The following LARGE1 variants were observed in gnomAD, a reference collection of about 807,000 sequenced individuals.
The protein encoded by LARGE1 is LARGE xylosyl- and glucuronyltransferase 1.
LARGE1 carries 43 observed loss-of-function variants against 87.6 expected under a neutral mutation model. That is an observed-to-expected ratio of 0.49 (90% CI 0.38 to 0.63). The LOEUF (loss-of-function observed/expected upper bound fraction) is 0.63. LARGE1 is among the 30% of genes least tolerant of loss of function. The probability of loss-of-function intolerance (pLI) is 0.00; values close to 1 mark genes in which losing one functional copy is unlikely to be tolerated. For missense variants in LARGE1, 802 were observed against 1,000.2 expected (o/e 0.80, Z 2.67); for synonymous variants, 434 against 394.6 (o/e 1.10, Z -1.18).
At chr22:33,526,725 C>T (rs114877075) in intron 6 of LARGE1, among the ~76,000 whole-genome samples, 142 of 152,342 alleles carry the variant, frequency 9.3e-4, no homozygotes, top group African/African-American at 3.4e-3. Context: ...TTCTGTTTTC[C>T]TTTACTCTTG....
intron 6 of LARGE1, among the ~76,000 whole-genome samples, chr22:33,522,403 G>A (rs993176775): frequency 6.6e-6 from 1 of 152,184 alleles, no homozygotes; most frequent in Non-Finnish European, 1.5e-5. Flanking sequence ...AGTAATCTGA[G>A]AGTTAATAAA....
At position 33,236,541 on chromosome 22, in the gene LARGE1, T is replaced by C. The variant is rs541801005; in HGVS notation, c.1730+67688A>G. Reference sequence around the variant, plus strand: ...AGCAAACCAACATTTTCCCCTGGGTTAGTATTACAGCTTACACCTCAACCT... The same window carrying C: ...AGCAAACCAACATTTTCCCCTGGGTCAGTATTACAGCTTACACCTCAACCT... On this transcript the variant is annotated intron_variant, in intron 11 of 11. Coordinates refer to the LARGE1 transcript ENST00000608642. Among the ~76,000 whole-genome samples the C allele has an allele frequency of 3.3e-5, 5 of 152,306 alleles. No homozygotes were observed. The East Asian group carries it at 7.7e-4, about 23-fold the overall frequency.
intron 11 of LARGE1, among the ~76,000 whole-genome samples, chr22:33,311,248 C>T (rs1419839674): frequency 6.6e-6 from 1 of 152,170 alleles, no homozygotes; most frequent in East Asian, 1.9e-4. Flanking sequence ...GCGTGAGCCA[C>T]CGCGCCCGGC....
chr22:33,464,992 C>G (rs1308924866), intron 6 of LARGE1, among the ~76,000 whole-genome samples: 3 of 152,262 alleles, frequency 2.0e-5, no homozygotes, highest in East Asian at 1.9e-4. Context: ...TGTAACCTCT[C>G]AGGAAAACCC....
chr22:33,195,019 T>C (rs988802430), intron 11 of LARGE1, among the ~76,000 whole-genome samples: 1 of 152,170 alleles, frequency 6.6e-6, no homozygotes, highest in Admixed American at 6.5e-5. Context: ...GGATAATACA[T>C]TAAAGGAATA....
At chr22:33,452,807 T>C (rs998476812) in intron 6 of LARGE1, among the ~76,000 whole-genome samples, 4 of 152,196 alleles carry the variant, frequency 2.6e-5, no homozygotes, top group Non-Finnish European at 5.9e-5. Flanking sequence ...GGCATTTCCA[T>C]CCTTTTCCTT....
At chr22:33,080,543 G>A in the LARGE1 span, among the ~76,000 whole-genome samples, 1 of 152,198 alleles carries the variant, frequency 6.6e-6, no homozygotes, top group African/African-American at 2.4e-5. Flanking sequence ...AGACACTTCA[G>A]CTCACATTTG....
intron 1 of LARGE1, among the ~76,000 whole-genome samples, chr22:33,860,631 G>C (rs1361391273): frequency 9.9e-5 from 15 of 152,140 alleles, no homozygotes; most frequent in Admixed American, 7.2e-4. Context: ...GTGGTGGTGG[G>C]ATCAGCACCT....
intron 11 of LARGE1, among the ~76,000 whole-genome samples, chr22:33,227,968 T>C (rs937285568): frequency 3.9e-5 from 6 of 152,260 alleles, no homozygotes; most frequent in Non-Finnish European, 8.8e-5. Context: ...ATAATGATGA[T>C]GATGACTGTA....
chr22:33,725,971 T>C (rs1249305688), intron 2 of LARGE1: 1 of 152,110 alleles, frequency 6.6e-6, no homozygotes, highest in Non-Finnish European at 1.5e-5. Context: ...TGGTACATAG[T>C]AGGTTCGGAA....
chr22:33,412,811 A>ACC (rs1171040857), intron 7 of LARGE1, among the ~76,000 whole-genome samples: 1 of 151,968 alleles, frequency 6.6e-6, no homozygotes, highest in Non-Finnish European at 1.5e-5. Flanking sequence ...CAGGCATGTG[A>ACC]CCCCATGCTG....
At chr22:33,654,188 T>C (rs985150907) in intron 2 of LARGE1, among the ~76,000 whole-genome samples, 14 of 152,228 alleles carry the variant, frequency 9.2e-5, no homozygotes, top group African/African-American at 3.1e-4. Context: ...AAATAATTAA[T>C]GTCAGGTCTC....
rs116986463 is a variant in LARGE1 at position 33,736,599 on chromosome 22, G to A, written c.106+24772C>T. ...CTATTTTGTGTCTTTTAATTTTCTT[G>A]AAGGAACCCTCTGAAACACAAAAGA... On this transcript the variant is annotated intron_variant, in intron 2 of 14. Transcript: ENST00000397394. Among the ~76,000 whole-genome samples, 321 of 152,136 alleles carry A rather than the reference G, an allele frequency of 2.1e-3. 1 individual carries two copies. The highest frequency in any genetic ancestry group is 3.7e-3 in the Non-Finnish European group (252 of 67,984).
intron 6 of LARGE1, among the ~76,000 whole-genome samples, chr22:33,526,489 T>TGG (rs573475780): frequency 9.3e-4 from 141 of 152,354 alleles, no homozygotes; most frequent in African/African-American, 3.3e-3. Flanking sequence ...AATCCTAGAA[T>TGG]GGGCACCTGT....
At chr22:33,161,832 TG>T (rs1373532758), downstream of LARGE1, among the ~76,000 whole-genome samples, 1 of 152,144 alleles carries the variant, frequency 6.6e-6, no homozygotes, top group Non-Finnish European at 1.5e-5. Flanking sequence ...CCAACCATTC[TG>T]GGGTCTAGAG....
At chr22:33,458,545 C>T (rs894534578) in intron 6 of LARGE1, among the ~76,000 whole-genome samples, 3 of 152,114 alleles carry the variant, frequency 2.0e-5, no homozygotes, top group Non-Finnish European at 4.4e-5. Flanking sequence ...TATTCTCCAG[C>T]CTCCTGAGTA....
At chr22:33,805,369 GA>G (rs2086275440) in intron 1 of LARGE1, among the ~76,000 whole-genome samples, 1 of 152,048 alleles carries the variant, frequency 6.6e-6, no homozygotes, top group African/African-American at 2.4e-5. Context: ...AGATCTTTTA[GA>G]AAAGCAAGCC....
At chr22:33,275,948 G>A (rs1929188291) in intron 14 of LARGE1, among the ~76,000 whole-genome samples, 1 of 152,168 alleles carries the variant, frequency 6.6e-6, no homozygotes, top group South Asian at 2.1e-4. Context: ...TATGGATACT[G>A]ACAGCCCTGC....
chr22:33,686,655 T>C (rs1296905710), intron 2 of LARGE1, among the ~76,000 whole-genome samples: 1 of 152,082 alleles, frequency 6.6e-6, no homozygotes, highest in African/African-American at 2.4e-5. Flanking sequence ...CCATTTGGCC[T>C]ATCATGGCCT....
Sources: allele counts gnomAD v4.1 joint callset (sites outside exome capture counted in the v4.1 genomes callset), GRCh38; gene constraint gnomAD v4.1.1; transcripts MANE v1.5; gene names NCBI Gene and HGNC (gene_info 2026-07-23, HGNC 2026-07-21).